Variants in CD46 observed in about 807,000 individuals in gnomAD.
CD46 encodes CD46 molecule.
Under a neutral mutation model 53.3 loss-of-function variants are expected in CD46, and 30 were observed. That is an observed-to-expected ratio of 0.56 (90% confidence interval 0.42 to 0.76). The LOEUF (loss-of-function observed/expected upper bound fraction) is 0.76, where lower values mean the gene tolerates loss of function less well. Ranked by LOEUF, CD46 falls within the 30% of genes least tolerant of loss-of-function variation. CD46 has a pLI of 0.00. For missense variants in CD46, 409 were observed against 463.0 expected, an observed-to-expected ratio of 0.88 and a Z score of 1.07; for synonymous variants, 142 against 152.0, an observed-to-expected ratio of 0.93 and a Z score of 0.48.
chr1:207,790,273 C>A lies in CD46; in HGVS notation c.1103C>A (p.Thr368Asn). Residue 368 changes from threonine (T) to asparagine (N), a missense_variant, in exon 12 of 13, where the codon ACC (threonine) becomes AAC (asparagine). Thr to Asn is a moderately conservative substitution (Grantham distance 65). Coordinates refer to ENST00000367042, the MANE Select transcript of CD46 (RefSeq NM_172351.3). Reference sequence around the variant, plus strand: ...TTCAGCACATACCTAACTGATGAGACCCACAGAGAAGTAAAATTTACTTCT... The same window carrying A: ...TTCAGCACATACCTAACTGATGAGAACCACAGAGAAGTAAAATTTACTTCT... ...KKKGTYLTDE[T>N]HREVKFTSL is the part of the protein sequence containing the mutation. 1 of 1,592,428 alleles carries A rather than the reference C, an allele frequency of 6.3e-7. No homozygotes were observed. The highest frequency in any genetic ancestry group is 8.6e-7 in the Non-Finnish European group (1 of 1,160,464).
In CD46 at chr1:207,782,756, T is replaced by C. The variant is rs1348981734; in HGVS notation, c.944-536T>C. Among the ~76,000 whole-genome samples the C allele has an allele frequency of 2.1e-5, 3 of 144,618 alleles. No homozygotes were observed. The East Asian group carries it at 6.7e-4, about 32-fold the overall frequency. 94.9% of individuals were successfully genotyped at this position (144,618 alleles called of 152,430 possible). On this transcript the variant is annotated intron_variant, in intron 8 of 12. Coordinates refer to ENST00000367042, the MANE Select transcript of CD46 (RefSeq NM_172351.3). ...TCCGCCTCCCGGGTTCAAGCGATTCTCCTGCCTCAGCCTCCCAAGTAGCTG... is the reference window on the plus strand; with the variant it reads ...TCCGCCTCCCGGGTTCAAGCGATTCCCCTGCCTCAGCCTCCCAAGTAGCTG...
intron 8 of CD46, among the ~76,000 whole-genome samples, chr1:207,774,015 C>CT (rs1479118187): frequency 6.6e-6 from 1 of 152,092 alleles, no homozygotes; most frequent in Non-Finnish European, 1.5e-5. Flanking sequence ...GTGTGGGAGT[C>CT]TATGTCTCTT....
intron 8 of CD46, among the ~76,000 whole-genome samples, chr1:207,772,647 A>G (rs1431500486): frequency 1.3e-5 from 2 of 152,190 alleles, no homozygotes; most frequent in Non-Finnish European, 2.9e-5. Flanking sequence ...TTCTGCATCT[A>G]TTGAAATAGT....
intron 5 of CD46, among the ~76,000 whole-genome samples, chr1:207,764,090 AG>A (rs930841901): frequency 1.8e-4 from 28 of 152,236 alleles, no homozygotes; most frequent in African/African-American, 4.8e-4. Context: ...TGGAAATCAC[AG>A]GCACCAGTTG....
chr1:207,759,557 A>C, intron 3 of CD46, 82 bp from the exon 4 acceptor site: 4 of 769,214 alleles, frequency 5.2e-6, no homozygotes, highest in Non-Finnish European at 9.0e-6. Flanking sequence ...GTAGAAAAGA[A>C]ACCATATAAA....
At chr1:207,766,250 C>G (rs938566188) in intron 5 of CD46, among the ~76,000 whole-genome samples, 1 of 152,084 alleles carries the variant, frequency 6.6e-6, no homozygotes, top group Admixed American at 6.5e-5. Flanking sequence ...TTGCATTTGT[C>G]AAAACTGATA....
chr1:207,757,388 C>T (rs1571580214), intron 2 of CD46, 152 bp from the exon 3 acceptor site: 1 of 772,782 alleles, frequency 1.3e-6, no homozygotes, highest in East Asian at 2.7e-5. Flanking sequence ...AATAGATTGC[C>T]TGGGTGAATA....
intron 5 of CD46, among the ~76,000 whole-genome samples, chr1:207,764,112 A>C (rs534035794): frequency 6.6e-6 from 1 of 152,070 alleles, no homozygotes; most frequent in Non-Finnish European, 1.5e-5. Context: ...ATCTTTAGAG[A>C]CCTCAGATCC....
At chr1:207,753,517 A>G (rs139307965) in intron 1 of CD46, among the ~76,000 whole-genome samples, 6,651 of 152,286 alleles carry the variant, frequency 0.044, 199 homozygotes, top group Non-Finnish European at 0.069. Context: ...AAAAAAATAC[A>G]AAAATTAGCT....
At chr1:207,766,803 T>G (rs560770836) in intron 5 of CD46, among the ~76,000 whole-genome samples, 1 of 152,184 alleles carries the variant, frequency 6.6e-6, no homozygotes, top group African/African-American at 2.4e-5. Context: ...ACAATATGGT[T>G]ATCTCTGTTA....
At chr1:207,767,494 T>C (rs1656990935) in intron 6 of CD46, 11 of 947,324 alleles carry the variant, frequency 1.2e-5, no homozygotes, top group Admixed American at 3.5e-5. Context: ...CTTTTTGGAA[T>C]TGAAACATGG....
chr1:207,769,723 T>TA (rs1233816610), intron 7 of CD46: 3 of 152,732 alleles, frequency 2.0e-5, no homozygotes, highest in African/African-American at 7.3e-5. Context: ...TCATACTACT[T>TA]ACAGTTTTTA....
chr1:207,758,942 T>C (rs1475952933), intron 3 of CD46, among the ~76,000 whole-genome samples: 1 of 151,756 alleles, frequency 6.6e-6, no homozygotes, highest in Non-Finnish European at 1.5e-5. Context: ...GAATTATTCA[T>C]GATAATTACT....
intron 11 of CD46, among the ~76,000 whole-genome samples, chr1:207,789,870 GAAAAA>G (rs150136290): frequency 2.3e-5 from 1 of 43,348 alleles, no homozygotes; most frequent in Admixed American, 3.5e-4. Context: ...GCTGTGTCTT[GAAAAA>G]AAAAAAAAAA....
chr1:207,788,904 T>C (rs1406664956), intron 11 of CD46, among the ~76,000 whole-genome samples: 1 of 152,238 alleles, frequency 6.6e-6, no homozygotes, highest in Non-Finnish European at 1.5e-5. Flanking sequence ...CTGCCACTTT[T>C]CTGTTTCATA....
intron 8 of CD46, among the ~76,000 whole-genome samples, chr1:207,776,794 A>G (rs1658165176): frequency 6.6e-6 from 1 of 151,984 alleles, no homozygotes; most frequent in South Asian, 2.1e-4. Context: ...ACACCCAGCT[A>G]TTTTTTTGTG....
Position 207,752,348 on chromosome 1 carries a change from C to A in CD46, c.97+39C>A. 6.4e-7 allele frequency: 1 copy of A among 1,572,766 alleles called. No individual in the cohort carries two copies. Among genetic ancestry groups the A allele is most frequent in the Non-Finnish European group, 8.7e-7 (1 of 1,143,116 alleles). On this transcript the variant is annotated intron_variant, in intron 1 of 12. Coordinates refer to ENST00000367042, the MANE Select transcript of CD46 (RefSeq NM_172351.3). The surrounding 1 kb of genome is among the most constrained non-coding windows in gnomAD (Gnocchi z 4.1). ...GCGGGTTCGCGCGTCCGCGGCGAGA[C>A]TAGAGCTCTCCTCAGTCGGGCAAGA...
chr1:207,782,432 G>A (rs1216031928), intron 8 of CD46, among the ~76,000 whole-genome samples: 1 of 151,942 alleles, frequency 6.6e-6, no homozygotes, highest in East Asian at 1.9e-4. Flanking sequence ...TTACCTAATT[G>A]CTCTGATTAG....
At chr1:207,789,995 G>T (rs1218632398) in intron 11 of CD46, among the ~76,000 whole-genome samples, 1 of 149,962 alleles carries the variant, frequency 6.7e-6, no homozygotes, top group Non-Finnish European at 1.5e-5. Context: ...TGGCTTCAAA[G>T]ATAAACATAT....
Sources: gnomAD v4.1 joint callset for allele counts (sites outside exome capture counted in the v4.1 genomes callset) on GRCh38, gnomAD v4.1.1 for gene constraint, Gnocchi (gnomAD v3.1) non-coding constraint, MANE v1.5 for transcripts, NCBI Gene and HGNC (gene_info 2026-07-23, HGNC 2026-07-21) for gene names.